The following RPS6KA5 variants were observed in gnomAD, a reference collection of about 807,000 sequenced individuals.
The protein encoded by RPS6KA5 is ribosomal protein S6 kinase alpha-5.
RPS6KA5 carries 27 observed loss-of-function variants against 85.5 expected under a neutral mutation model. That is an observed-to-expected ratio of 0.32 (90% CI 0.23 to 0.44). The LOEUF (loss-of-function observed/expected upper bound fraction) is 0.44, where lower values mean the gene tolerates loss of function less well. RPS6KA5 is among the 20% of genes least tolerant of loss of function. The pLI is 1.00. For synonymous variants in RPS6KA5, 334 were observed against 348.2 expected (o/e 0.96, Z 0.46); for missense variants, 811 against 980.9 (o/e 0.83, Z 2.31).
intron 2 of RPS6KA5, among the ~76,000 whole-genome samples, chr14:90,986,963 G>A (rs1045564925): frequency 1.3e-5 from 2 of 152,056 alleles, no homozygotes; most frequent in African/African-American, 2.4e-5. Context: ...TCCATGTCCC[G>A]GGATCTGCTT....
At chr14:91,040,723 G>A (rs1050381028) in intron 1 of RPS6KA5, among the ~76,000 whole-genome samples, 2 of 152,172 alleles carry the variant, frequency 1.3e-5, no homozygotes, top group African/African-American at 2.4e-5. Flanking sequence ...AGCAGCTAAT[G>A]TAAGGAGATG....
chr14:90,850,946 A>C lies in RPS6KA5; in HGVS notation c.*21128T>G, dbSNP rs1453644085. On this transcript the variant is annotated 3_prime_UTR_variant, in exon 17 of 17. Coordinates refer to ENST00000614987, the MANE Select transcript of RPS6KA5 (RefSeq NM_004755.4). ...AATTTGTACTAGAACAATACCCATAAATATAAAAAATCTACTTAATTTTAT... is the reference window on the plus strand; with the variant it reads ...AATTTGTACTAGAACAATACCCATACATATAAAAAATCTACTTAATTTTAT... 1 of 152,218 alleles carries C rather than the reference A, an allele frequency of 6.6e-6. No individual in the cohort carries two copies. Among genetic ancestry groups the C allele is most frequent in the African/African-American group, 2.4e-5 (1 of 41,454 alleles). 9.4% of individuals were successfully genotyped at this position (152,218 alleles called of 1,614,324 possible).
At chr14:90,889,068 C>T (rs1417890555) in intron 14 of RPS6KA5, among the ~76,000 whole-genome samples, 4 of 152,002 alleles carry the variant, frequency 2.6e-5, no homozygotes, top group South Asian at 2.1e-4. Flanking sequence ...CCAAGGCAGG[C>T]GGATCACCCG....
At position 90,871,067 on chromosome 14, in the gene RPS6KA5, CT is replaced by C. The variant is rs1208623926; in HGVS notation, c.*1006del. The C allele has an allele frequency of 6.6e-6, 1 of 152,456 alleles. No individual in the cohort carries two copies. The highest frequency in any genetic ancestry group is 2.4e-5 in the African/African-American group (1 of 41,402). 9.4% of individuals were successfully genotyped at this position (152,456 alleles called of 1,614,324 possible). ...TATGACTACAGGAGGAAATTCCTCA[CT>C]GTAGTACAACACAGTGTACAAATAT... is the stretch of plus-strand genomic sequence containing the variant. On this transcript the variant is annotated 3_prime_UTR_variant, in exon 17 of 17. Transcript: ENST00000614987.
chr14:90,982,978 T>C (rs998872032), intron 2 of RPS6KA5, among the ~76,000 whole-genome samples: 4 of 152,038 alleles, frequency 2.6e-5, no homozygotes, highest in Admixed American at 6.6e-5. Context: ...GCAGGGGTCG[T>C]GGTGGGCACC....
chr14:90,919,449 T>A (rs1034984561), intron 7 of RPS6KA5, among the ~76,000 whole-genome samples: 1 of 152,226 alleles, frequency 6.6e-6, no homozygotes, highest in African/African-American at 2.4e-5. Context: ...TCTCTATTTT[T>A]AATTTTTAAT....
intron 7 of RPS6KA5, among the ~76,000 whole-genome samples, chr14:90,919,249 GGCAGTAA>G (rs2036276957): frequency 6.6e-6 from 1 of 152,132 alleles, no homozygotes; most frequent in Admixed American, 6.5e-5. Context: ...ATGCTCTCAA[GGCAGTAA>G]GCTGGGGCAA....
intron 9 of RPS6KA5, among the ~76,000 whole-genome samples, chr14:90,902,544 T>C (rs2035231088): frequency 1.3e-5 from 2 of 152,166 alleles, no homozygotes; most frequent in African/African-American, 2.4e-5. Context: ...GTATTTTCTA[T>C]AAAAGAATCT....
At chr14:90,887,730 G>C (rs2140184113) in intron 14 of RPS6KA5, among the ~76,000 whole-genome samples, 1 of 151,598 alleles carries the variant, frequency 6.6e-6, no homozygotes, top group South Asian at 2.1e-4. Flanking sequence ...GCCGAGGCGG[G>C]AGGATCACTT....
chr14:90,899,263 G>C (rs970448668), intron 12 of RPS6KA5, 66 bp downstream of exon 12: 4 of 1,134,270 alleles, frequency 3.5e-6, no homozygotes, highest in South Asian at 1.3e-5. Flanking sequence ...AACAAAACGC[G>C]TGAAAAGTAC....
chr14:90,875,327 A>T lies in RPS6KA5; in HGVS notation c.1870T>A (p.Ser624Thr). 1 of 1,613,910 alleles carries T rather than the reference A, an allele frequency of 6.2e-7. No individual in the cohort carries two copies. Residue 624 changes from serine (S) to threonine (T), a missense_variant, in exon 15 of 17, where the codon TCT (serine) becomes ACT (threonine). Ser to Thr is a moderately conservative substitution (Grantham distance 58, BLOSUM62 1). Coordinates refer to ENST00000614987, the MANE Select transcript of RPS6KA5 (RefSeq NM_004755.4). Reference sequence around the variant, plus strand: ...GTACACGTCAAACTTCGGTCATGAGATTGGAAGGGAACCTGTCCTGACAAC... The same window carrying T: ...GTACACGTCAAACTTCGGTCATGAGTTTGGAAGGGAACCTGTCCTGACAAC... ...TMLSGQVPFQ[S>T]HDRSLTCTSA...
In RPS6KA5 at chr14:90,854,229, AATT is replaced by A. The variant is rs2032161510; in HGVS notation, c.*17842_*17844del. On this transcript the variant is annotated 3_prime_UTR_variant, in exon 17 of 17. Transcript: ENST00000614987. ...ACATTGTAATTTATAATTCCTAAGT[AATT>A]ATTAAATGATTAATGTTTAATCATT... 8.0e-6 allele frequency: 1 copy of A among 125,470 alleles called. No individual in the cohort carries two copies. The highest frequency in any genetic ancestry group is 7.1e-5 in the Admixed American group (1 of 14,144). The allele number at this position is 125,470 out of a possible 1,614,324, so 7.8% of individuals were successfully genotyped here.
rs2037716967 is a variant in RPS6KA5, at chr14:90,943,713, T to C, written c.511-528A>G. Among the ~76,000 whole-genome samples, 4 of 152,242 alleles carry C rather than the reference T, an allele frequency of 2.6e-5. No individual in the cohort carries two copies. In the South Asian group the frequency reaches 8.3e-4, roughly 31 times the overall value. ...CTCTAACTCTTTTTTTCACTTTTTA[T>C]GTATTTATAGGTATTTGTGCAGCAC... On this transcript the variant is annotated intron_variant, in intron 4 of 16. Coordinates refer to ENST00000614987, the MANE Select transcript of RPS6KA5 (RefSeq NM_004755.4).
At chr14:90,946,337 G>T (rs190266073) in intron 4 of RPS6KA5, among the ~76,000 whole-genome samples, 4 of 151,826 alleles carry the variant, frequency 2.6e-5, no homozygotes, top group African/African-American at 9.7e-5. Context: ...TTCCCTGCTT[G>T]TTCTCACACG....
chr14:91,045,463 C>T (rs2042832249), intron 1 of RPS6KA5, among the ~76,000 whole-genome samples: 1 of 152,118 alleles, frequency 6.6e-6, no homozygotes, highest in Admixed American at 6.5e-5. Flanking sequence ...GGGGTTTCGC[C>T]GTGTTGGCCA....
At chr14:91,003,522 C>T (rs916415899) in intron 1 of RPS6KA5, among the ~76,000 whole-genome samples, 4 of 152,174 alleles carry the variant, frequency 2.6e-5, no homozygotes, top group African/African-American at 9.6e-5. Context: ...TTGGCTGCTA[C>T]AGGAGCTCAA....
intron 12 of RPS6KA5, among the ~76,000 whole-genome samples, chr14:90,896,178 C>T (rs1032548785): frequency 1.3e-5 from 2 of 152,158 alleles, no homozygotes; most frequent in African/African-American, 2.4e-5. Flanking sequence ...TGAGTTTCTA[C>T]ATCAGATAAA....
intron 3 of RPS6KA5, among the ~76,000 whole-genome samples, chr14:90,973,997 C>A: frequency 7.9e-6 from 1 of 127,212 alleles, no homozygotes; most frequent in Non-Finnish European, 1.6e-5. Context: ...AAGATTGCAC[C>A]ACTGCACTAC....
chr14:90,993,976 C>A (rs1026175556), intron 2 of RPS6KA5, among the ~76,000 whole-genome samples: 6 of 151,864 alleles, frequency 4.0e-5, no homozygotes, highest in Non-Finnish European at 8.8e-5. Context: ...GTGGCCTTAA[C>A]CTCCCAGGCT....
Sources: gnomAD v4.1 joint callset for allele counts (sites outside exome capture counted in the v4.1 genomes callset) on GRCh38, gnomAD v4.1.1 for gene constraint, MANE v1.5 for transcripts, NCBI Gene and HGNC (gene_info 2026-07-23, HGNC 2026-07-21) for gene names.